Variants in PDE4D observed in about 807,000 individuals in gnomAD.
PDE4D encodes the protein 3',5'-cyclic-AMP phosphodiesterase 4D.
A neutral mutation model predicts 87.4 loss-of-function variants in PDE4D; 24 were observed. The ratio of observed to expected loss-of-function variants is 0.27; its 90% CI spans 0.20 to 0.39. The LOEUF is 0.39. PDE4D is among the 10% of genes least tolerant of loss of function. PDE4D has a pLI of 1.00. For synonymous variants in PDE4D, 384 were observed against 383.2 expected (o/e 1.00, Z -0.02); for missense variants, 714 against 1,041.0 (o/e 0.69, Z 4.32).
At chr5:60,133,174 C>T (rs1458976428) in intron 2 of PDE4D, among the ~76,000 whole-genome samples, 1 of 152,108 alleles carries the variant, frequency 6.6e-6, no homozygotes, top group Non-Finnish European at 1.5e-5. Context: ...TCATATCTAT[C>T]AAATAAAGAG....
At chr5:59,083,509 T>C (rs754844399) in intron 5 of PDE4D, among the ~76,000 whole-genome samples, 6 of 152,106 alleles carry the variant, frequency 3.9e-5, no homozygotes, top group Non-Finnish European at 7.4e-5. Context: ...CTTTTTGCTC[T>C]ATATTCTAAG....
At chr5:60,516,016 T>G (rs1260414141) in intron 1 of PDE4D, among the ~76,000 whole-genome samples, 1 of 152,232 alleles carries the variant, frequency 6.6e-6, no homozygotes, top group Non-Finnish European at 1.5e-5. Context: ...ATTCTAAGTG[T>G]CATCATGTTA....
intron 1 of PDE4D, among the ~76,000 whole-genome samples, chr5:59,221,344 G>C (rs1397780568): frequency 1.3e-5 from 2 of 152,128 alleles, no homozygotes; most frequent in Admixed American, 1.3e-4. Context: ...CTAAATTTTC[G>C]TATGGGGCTG....
chr5:59,962,773 T>C (rs1010232750), intron 3 of PDE4D, among the ~76,000 whole-genome samples: 2 of 152,222 alleles, frequency 1.3e-5, no homozygotes, highest in Admixed American at 6.5e-5. Flanking sequence ...TAAAATGTTA[T>C]GATTTATAAT....
In PDE4D at chr5:60,368,724, G is replaced by A. The variant is rs557281073; in HGVS notation, c.-90+119218C>T. Among the ~76,000 whole-genome samples the A allele has an allele frequency of 6.0e-3, 908 of 152,190 alleles. 5 individuals are homozygous for A. The highest frequency in any genetic ancestry group is 9.7e-3 in the Non-Finnish European group (662 of 67,990). ...GCGGGATGTCCCCCTTGCAGTTCTC[G>A]TGATAGACTTCTCAGAAGACTTGGT... On this transcript the variant is annotated intron_variant, in intron 1 of 16. Coordinates refer to the PDE4D transcript ENST00000502484.
chr5:59,070,786 T>A (rs902216508), intron 5 of PDE4D, among the ~76,000 whole-genome samples: 1 of 152,186 alleles, frequency 6.6e-6, no homozygotes, highest in Admixed American at 6.5e-5. Flanking sequence ...ATTACAAAAA[T>A]CTAAGTATGG....
chr5:59,819,654 C>T (rs16890242), intron 1 of PDE4D, among the ~76,000 whole-genome samples: 1,583 of 152,220 alleles, frequency 0.01, 32 homozygotes, highest in African/African-American at 0.036. Context: ...ACAAAATCTT[C>T]CTCACTAATG....
intron 1 of PDE4D, among the ~76,000 whole-genome samples, chr5:59,428,294 A>G (rs1562170255): frequency 6.6e-6 from 1 of 151,962 alleles, no homozygotes; most frequent in Non-Finnish European, 1.5e-5. Context: ...TTCTCTATGG[A>G]TTTTCGTGAA....
intron 1 of PDE4D, among the ~76,000 whole-genome samples, chr5:59,573,442 C>CCT (rs2153696539): frequency 6.6e-6 from 1 of 152,210 alleles, no homozygotes; most frequent in South Asian, 2.1e-4. Context: ...CCCCAATACC[C>CCT]CTCACCCACC....
chr5:59,145,356 G>T (rs1194854826), intron 5 of PDE4D, among the ~76,000 whole-genome samples: 1 of 152,124 alleles, frequency 6.6e-6, no homozygotes, highest in African/African-American at 2.4e-5. Flanking sequence ...GGTTCTTGGT[G>T]CTTCTCTGGA....
intron 4 of PDE4D, among the ~76,000 whole-genome samples, chr5:59,182,432 AT>A (rs879320552): frequency 2.0e-3 from 287 of 143,390 alleles, no homozygotes; most frequent in Middle Eastern, 7.2e-3. Context: ...TGGCTAATTA[AT>A]TTTTTTTTTT....
intron 2 of PDE4D, among the ~76,000 whole-genome samples, chr5:60,029,379 C>A (rs925862455): frequency 1.1e-4 from 17 of 152,184 alleles, no homozygotes. Flanking sequence ...TAATCAGAAA[C>A]TCAAAATAAT....
At chr5:60,307,706 A>G (rs1187016363) in intron 1 of PDE4D, among the ~76,000 whole-genome samples, 1 of 152,060 alleles carries the variant, frequency 6.6e-6, no homozygotes, top group Non-Finnish European at 1.5e-5. Context: ...AGCAAAGGAA[A>G]TATTAGGTTG....
At chr5:59,126,435 A>G (rs1486288039) in intron 5 of PDE4D, among the ~76,000 whole-genome samples, 1 of 152,218 alleles carries the variant, frequency 6.6e-6, no homozygotes, top group African/African-American at 2.4e-5. Flanking sequence ...CAAGAAGCAC[A>G]CTTAATATAA....
At chr5:59,381,307 T>C (rs188147173) in intron 1 of PDE4D, among the ~76,000 whole-genome samples, 4 of 152,286 alleles carry the variant, frequency 2.6e-5, no homozygotes, top group Admixed American at 1.3e-4. Flanking sequence ...TATGATTATA[T>C]TGGAGAGAAT....
At position 59,574,003 on chromosome 5, in the gene PDE4D, A is replaced by AAG. The variant is rs1822341899; in HGVS notation, c.455+319164_455+319165insCT. Among the ~76,000 whole-genome samples the AAG allele has an allele frequency of 1.6e-5, 2 of 125,946 alleles. 1 individual carries two copies. Among genetic ancestry groups the AAG allele is most frequent in the Non-Finnish European group, 3.2e-5 (2 of 62,450 alleles). 82.6% of individuals were successfully genotyped at this position (125,946 alleles called of 152,430 possible). A position where few individuals can be genotyped will look rare whatever the true frequency, so the allele number is the denominator to read the frequency against. ...ACAAAGGGAGACTCTGTCTCAAAAA[A>AAG]AAATATATATATATATATATATATA... On this transcript the variant is annotated intron_variant, in intron 1 of 14. Coordinates refer to ENST00000340635, the MANE Select transcript of PDE4D (RefSeq NM_001104631.2).
intron 1 of PDE4D, among the ~76,000 whole-genome samples, chr5:60,304,836 A>G (rs1754325912): frequency 6.6e-6 from 1 of 152,058 alleles, no homozygotes; most frequent in African/African-American, 2.4e-5. Flanking sequence ...AAAAATTAAC[A>G]GAAAATGGTA....
intron 1 of PDE4D, among the ~76,000 whole-genome samples, chr5:60,418,404 C>T (rs1463545402): frequency 6.6e-6 from 1 of 152,046 alleles, no homozygotes; most frequent in African/African-American, 2.4e-5. Flanking sequence ...TCAGCTGATT[C>T]GTGCCCTGGA....
intron 1 of PDE4D, among the ~76,000 whole-genome samples, chr5:59,616,449 T>C (rs907632799): frequency 6.6e-6 from 1 of 152,168 alleles, no homozygotes; most frequent in African/African-American, 2.4e-5. Flanking sequence ...GTCAGATCTA[T>C]GATCCCTCAA....
Sources: gnomAD v4.1 joint callset for allele counts (sites outside exome capture counted in the v4.1 genomes callset) on GRCh38, gnomAD v4.1.1 for gene constraint, MANE v1.5 for transcripts, NCBI Gene and HGNC (gene_info 2026-07-23, HGNC 2026-07-21) for gene names.